NRDC: variants seen among roughly 807,000 people sequenced by gnomAD.
NRDC encodes nardilysin convertase.
Under a neutral mutation model 147.1 loss-of-function variants are expected in NRDC, and 54 were observed. The observed-to-expected ratio is 0.37, with a 90% CI of 0.29 to 0.46. NRDC has a LOEUF of 0.46. NRDC is among the 20% of genes least tolerant of loss of function. NRDC has a pLI of 1.00. For missense variants in NRDC, 1,082 were observed against 1,370.6 expected, an observed-to-expected ratio of 0.79 and a Z score of 3.33; for synonymous variants, 440 against 482.1, an observed-to-expected ratio of 0.91 and a Z score of 1.14.
chr1:51,796,320 C>G (rs1304953621), intron 22 of NRDC, among the ~76,000 whole-genome samples: 1 of 151,828 alleles, frequency 6.6e-6, no homozygotes, highest in Non-Finnish European at 1.5e-5. Flanking sequence ...CTCACTGCAA[C>G]CTCTGCCTCC....
At position 51,789,900 on chromosome 1, in the gene NRDC, A is replaced by G. The variant is rs75341104; in HGVS notation, c.3169-243T>C. 5.2e-4 allele frequency: 274 copies of G among 522,216 alleles called. 1 individual carries two copies. The highest frequency in any genetic ancestry group is 4.9e-3 in the African/African-American group (254 of 52,274). The allele number at this position is 522,216 out of a possible 1,614,324, so 32.3% of individuals were successfully genotyped here. A position where few individuals can be genotyped will look rare whatever the true frequency, so the allele number is the denominator to read the frequency against. On this transcript the variant is annotated intron_variant, in intron 29 of 30. Coordinates refer to ENST00000352171, the MANE Select transcript of NRDC (RefSeq NM_001101662.2). ...TTAGCAGATGCTATAATTACAGCTAAATACCATACACTGAGCCCAACACCC... is the reference window on the plus strand; with the variant it reads ...TTAGCAGATGCTATAATTACAGCTAGATACCATACACTGAGCCCAACACCC...
chr1:51,851,185 G>A (rs952992134), intron 1 of NRDC, among the ~76,000 whole-genome samples: 1 of 152,044 alleles, frequency 6.6e-6, no homozygotes, highest in Non-Finnish European at 1.5e-5. Context: ...GATGTCTTTT[G>A]GTAAGTGGGG....
rs1303161664 is a variant in NRDC at position 51,870,513 on chromosome 1, C to G, written c.341+7762G>C. ...ACATTAGCTATTTCAAACCTTCACA[C>G]TCAAGGCTTCCCCTATGCATCCCAC... is the stretch of plus-strand genomic sequence containing the variant. On this transcript the variant is annotated intron_variant, in intron 1 of 30. Coordinates refer to ENST00000352171, the MANE Select transcript of NRDC (RefSeq NM_001101662.2). 2.0e-5 allele frequency among the ~76,000 whole-genome samples: 3 copies of G among 152,200 alleles called. No individual in the cohort carries two copies. The East Asian group carries it at 5.8e-4, about 29-fold the overall frequency.
At chr1:51,877,994 C>T in intron 1 of NRDC, 1 of 1,290,124 alleles carries the variant, frequency 7.8e-7, no homozygotes, top group Non-Finnish European at 9.9e-7. Context: ...ATTCAGGCTG[C>T]GTTCCTCAAA....
At chr1:51,863,029 A>AAG (rs1276526717) in intron 1 of NRDC, among the ~76,000 whole-genome samples, 1 of 150,334 alleles carries the variant, frequency 6.7e-6, no homozygotes, top group African/African-American at 2.4e-5. Flanking sequence ...AAAAAAAAAA[A>AAG]AAAAAAAAAC....
intron 9 of NRDC, 71 bp downstream of exon 9, chr1:51,819,729 G>T: frequency 1.7e-6 from 2 of 1,194,996 alleles, no homozygotes; most frequent in Admixed American, 2.2e-5. Flanking sequence ...ATGAAAATTG[G>T]CAGCTTCAAT....
intron 9 of NRDC, among the ~76,000 whole-genome samples, chr1:51,819,506 G>T (rs1680119234): frequency 6.6e-6 from 1 of 152,100 alleles, no homozygotes; most frequent in Non-Finnish European, 1.5e-5. Context: ...TAAATAAAAT[G>T]AAACATGAAT....
intron 1 of NRDC, among the ~76,000 whole-genome samples, chr1:51,847,558 C>T (rs961908891): frequency 5.9e-5 from 9 of 152,230 alleles, no homozygotes; most frequent in African/African-American, 1.2e-4. Context: ...AGAAATCGAG[C>T]GCAGCGCCAG....
At position 51,836,135 on chromosome 1, in the gene NRDC, C is replaced by T. The variant is rs1452335410; in HGVS notation, c.708G>A (p.Glu236=). 6.2e-7 allele frequency: 1 copy of T among 1,613,756 alleles called. No homozygotes were observed. The highest frequency in any genetic ancestry group is 8.5e-7 in the Non-Finnish European group (1 of 1,179,696). ...DDLPGLAHFL[E]HMVFMGSLKY... is the part of the protein sequence containing the mutation. Reference sequence around the variant, plus strand: ...TGATATTTTACAAATTCTTACTGTGCTCCAAAAAGTGTGCCAGCCCCGGCA... The same window carrying T: ...TGATATTTTACAAATTCTTACTGTGTTCCAAAAAGTGTGCCAGCCCCGGCA... The change falls in exon 3 of 31, where the codon GAG becomes GAA. Residue 236 remains glutamate (E), a synonymous_variant. Transcript: ENST00000352171.
rs913130468 is a variant in NRDC, at chr1:51,847,254, C to A, written c.342-6740G>T. 2.6e-5 allele frequency among the ~76,000 whole-genome samples: 4 copies of A among 152,216 alleles called. 1 individual carries two copies. Among genetic ancestry groups the A allele is most frequent in the South Asian group, 4.1e-4 (2 of 4,834 alleles). On this transcript the variant is annotated intron_variant, in intron 1 of 30. Coordinates refer to ENST00000352171, the MANE Select transcript of NRDC (RefSeq NM_001101662.2). ...AGTGCTGACTGGTGTATCCACAATC[C>A]CCCCAGCTAGACATAAAGGTTCTCC...
chr1:51,790,677 AGGTGAGGC>A, intron 28 of NRDC, 28 bp from the exon 29 acceptor site: 1 of 1,497,396 alleles, frequency 6.7e-7, no homozygotes, highest in Non-Finnish European at 9.3e-7. Flanking sequence ...AAAGATGCTC[AGGTGAGGC>A]AACATACCAC....
chr1:51,798,757 T>C, intron 21 of NRDC: 1 of 176,054 alleles, frequency 5.7e-6, no homozygotes, highest in Non-Finnish European at 1.2e-5. Flanking sequence ...CTCACTAATA[T>C]TTCATTAATT....
At chr1:51,859,658 GCTAC>G (rs1682432762) in intron 1 of NRDC, 1 of 152,226 alleles carries the variant, frequency 6.6e-6, no homozygotes, top group Non-Finnish European at 1.5e-5. Context: ...GTGCCATGTG[GCTAC>G]CTGAGACCCA....
intron 4 of NRDC, among the ~76,000 whole-genome samples, chr1:51,832,111 A>T (rs1340167063): frequency 6.6e-6 from 1 of 151,772 alleles, no homozygotes; most frequent in Non-Finnish European, 1.5e-5. Context: ...CTATGGCATG[A>T]TCTCAGCTCA....
intron 1 of NRDC, among the ~76,000 whole-genome samples, chr1:51,845,596 A>AAAAAG (rs71063056): frequency 0.054 from 8,175 of 152,134 alleles, 241 homozygotes; most frequent in Middle Eastern, 0.065. Context: ...CCGTCACAAA[A>AAAAAG]AAAAGAAAAG....
intron 1 of NRDC, among the ~76,000 whole-genome samples, chr1:51,858,492 C>G (rs1571912775): frequency 7.0e-6 from 1 of 141,880 alleles, no homozygotes; most frequent in African/African-American, 2.6e-5. Flanking sequence ...AAAAAAAAGG[C>G]AAATAAAAAG....
intron 1 of NRDC, chr1:51,862,124 G>GT (rs1451254220): frequency 1.3e-5 from 2 of 152,182 alleles, no homozygotes; most frequent in African/African-American, 2.4e-5. Context: ...AACAATGTTA[G>GT]TATTAGCTGA....
At chr1:51,819,687 C>A in intron 9 of NRDC, 113 bp downstream of exon 9, 1 of 800,016 alleles carries the variant, frequency 1.2e-6, no homozygotes, top group Non-Finnish European at 2.0e-6. Context: ...CTTTCCAACC[C>A]AGCTGTATTT....
At chr1:51,848,903 T>C in intron 1 of NRDC, among the ~76,000 whole-genome samples, 1 of 152,164 alleles carries the variant, frequency 6.6e-6, no homozygotes, top group East Asian at 1.9e-4. Context: ...AGACCGACTC[T>C]AAGTAGCATG....
Sources: gnomAD v4.1 joint callset for allele counts (sites outside exome capture counted in the v4.1 genomes callset) on GRCh38, gnomAD v4.1.1 for gene constraint, MANE v1.5 for transcripts, NCBI Gene and HGNC (gene_info 2026-07-23, HGNC 2026-07-21) for gene names.